Variants in LIN7A observed in about 807,000 individuals in gnomAD.
LIN7A encodes the protein protein lin-7 homolog A.
LIN7A carries 25 observed loss-of-function variants against 29.8 expected under a neutral mutation model. That is an observed-to-expected ratio of 0.84 (90% CI 0.61 to 1.17). The LOEUF is 1.17. Ranked by LOEUF, LIN7A falls within the 50% of genes most tolerant of loss-of-function variation. The pLI, the probability that LIN7A is intolerant of heterozygous loss-of-function variation, is 0.00. For synonymous variants in LIN7A, 118 were observed against 107.5 expected, an observed-to-expected ratio of 1.10 and a Z score of -0.60; for missense variants, 239 against 287.0, an observed-to-expected ratio of 0.83 and a Z score of 1.21.
chr12:80,937,759 TG>T lies in LIN7A; in HGVS notation c.-38del. 4.6e-6 allele frequency: 1 copy of T among 216,660 alleles called. No homozygotes were observed. Among genetic ancestry groups the T allele is most frequent in the Non-Finnish European group, 6.2e-6 (1 of 161,438 alleles). The allele number at this position is 216,660 out of a possible 1,614,324, so 13.4% of individuals were successfully genotyped here. ...CGTAGTGAGAAAAAAAGGAGGAGAT[TG>T]GGGGCGGGGGTGGAGAGGGAAGACG... is the stretch of plus-strand genomic sequence containing the variant. On this transcript the variant is annotated 5_prime_UTR_variant, in exon 1 of 6. Coordinates refer to ENST00000552864, the MANE Select transcript of LIN7A (RefSeq NM_004664.4).
In LIN7A at chr12:80,796,894, GT is replaced by G. The variant is rs370890214; in HGVS notation, c.*832del. ...GTTCACAGGGCTAGGTCCTTTGCTA[GT>G]ATTCTCTTACTAGATTCTTAATACT... On this transcript the variant is annotated 3_prime_UTR_variant, in exon 6 of 6. Coordinates refer to ENST00000552864, the MANE Select transcript of LIN7A (RefSeq NM_004664.4). 23 of 152,126 alleles carry G rather than the reference GT, an allele frequency of 1.5e-4. No homozygotes were observed. Among genetic ancestry groups the G allele is most frequent in the African/African-American group, 5.1e-4 (21 of 41,510 alleles). 9.4% of individuals were successfully genotyped at this position (152,126 alleles called of 1,614,324 possible). A position where few individuals can be genotyped will look rare whatever the true frequency, so the allele number is the denominator to read the frequency against.
chr12:80,821,650 G>T (rs1409181219), intron 4 of LIN7A, among the ~76,000 whole-genome samples: 1 of 152,212 alleles, frequency 6.6e-6, no homozygotes, highest in African/African-American at 2.4e-5. Context: ...CAGTGGGGGA[G>T]GTGCTGCAGG....
rs1565885890 is a variant in LIN7A, at chr12:80,811,417, G to GTGTGTA, written c.*47_*48insTACACA. 1.4e-5 allele frequency: 9 copies of GTGTGTA among 658,438 alleles called. 1 individual carries two copies. Among genetic ancestry groups the GTGTGTA allele is most frequent in the Admixed American group, 1.0e-4 (4 of 39,740 alleles). The allele number at this position is 658,438 out of a possible 1,614,324, so 40.8% of individuals were successfully genotyped here. On this transcript the variant is annotated intron_variant, in intron 5 of 5. Transcript: ENST00000552864. ...TATTCATATATACATATATGTGTGT[G>GTGTGTA]TGTATATATATATATATACTCCTTG...
chr12:80,844,612 G>T (rs1259279729), intron 4 of LIN7A, among the ~76,000 whole-genome samples: 1 of 151,948 alleles, frequency 6.6e-6, no homozygotes. Flanking sequence ...TTAATCGAAA[G>T]GTAACATTGA....
chr12:80,904,891 G>A (rs77945767), intron 1 of LIN7A, among the ~76,000 whole-genome samples: 8,233 of 152,122 alleles, frequency 0.054, 254 homozygotes, highest in Admixed American at 0.096. Context: ...CAAAGCTTGT[G>A]TACATGAGAT....
intron 1 of LIN7A, among the ~76,000 whole-genome samples, chr12:80,901,765 G>T (rs1876224731): frequency 6.6e-6 from 1 of 152,052 alleles, no homozygotes; most frequent in East Asian, 1.9e-4. Context: ...CTGACACTTT[G>T]ATATATAATT....
chr12:80,890,671 A>G (rs1875574024), intron 1 of LIN7A, among the ~76,000 whole-genome samples: 1 of 152,164 alleles, frequency 6.6e-6, no homozygotes, highest in Non-Finnish European at 1.5e-5. Context: ...AGTAGCACAA[A>G]TCATTAAATC....
intron 1 of LIN7A, among the ~76,000 whole-genome samples, chr12:80,894,804 T>C (rs923435291): frequency 6.6e-6 from 1 of 152,200 alleles, no homozygotes; most frequent in African/African-American, 2.4e-5. Context: ...AGCTTACTTG[T>C]CTTACTTAGA....
At chr12:80,810,685 G>A (rs897830806) in intron 5 of LIN7A, among the ~76,000 whole-genome samples, 3 of 152,194 alleles carry the variant, frequency 2.0e-5, no homozygotes, top group Non-Finnish European at 4.4e-5. Flanking sequence ...CAAATTGGCT[G>A]TAGCAATTTA....
chr12:80,816,936 T>C (rs1871564907), intron 4 of LIN7A, among the ~76,000 whole-genome samples: 1 of 152,144 alleles, frequency 6.6e-6, no homozygotes, highest in Non-Finnish European at 1.5e-5. Flanking sequence ...GCCCAGCTAC[T>C]TTTTGTATTT....
At chr12:80,850,455 T>C (rs1273109712) in intron 2 of LIN7A, among the ~76,000 whole-genome samples, 1 of 152,142 alleles carries the variant, frequency 6.6e-6, no homozygotes, top group Non-Finnish European at 1.5e-5. Context: ...TTGGGGAAAA[T>C]CTCCTAAGAT....
chr12:80,932,106 C>CGTTT (rs1395951730), intron 1 of LIN7A, among the ~76,000 whole-genome samples: 3 of 152,138 alleles, frequency 2.0e-5, no homozygotes, highest in Admixed American at 1.3e-4. Context: ...GATTAGAAAA[C>CGTTT]CTATAGGCTT....
At chr12:80,809,935 T>G (rs996294775) in intron 5 of LIN7A, among the ~76,000 whole-genome samples, 5 of 152,244 alleles carry the variant, frequency 3.3e-5, no homozygotes, top group Non-Finnish European at 7.3e-5. Context: ...ATGCGATATT[T>G]CAATGCATGT....
At chr12:80,922,986 A>G (rs908031769) in intron 1 of LIN7A, among the ~76,000 whole-genome samples, 1 of 152,152 alleles carries the variant, frequency 6.6e-6, no homozygotes, top group East Asian at 1.9e-4. Context: ...GCACTACTGT[A>G]GTTGGTAAAT....
intron 4 of LIN7A, among the ~76,000 whole-genome samples, chr12:80,835,057 GC>G (rs1872544478): frequency 6.6e-6 from 1 of 152,116 alleles, no homozygotes; most frequent in African/African-American, 2.4e-5. Flanking sequence ...TATAAATGAT[GC>G]TTTTTTGGAC....
At chr12:80,831,570 C>T (rs1338284026) in intron 4 of LIN7A, among the ~76,000 whole-genome samples, 1 of 152,124 alleles carries the variant, frequency 6.6e-6, no homozygotes, top group Non-Finnish European at 1.5e-5. Context: ...AGTGATTGGG[C>T]TTCTTTGTGA....
At chr12:80,913,971 C>T (rs1401766732) in intron 1 of LIN7A, among the ~76,000 whole-genome samples, 2 of 152,158 alleles carry the variant, frequency 1.3e-5, no homozygotes, top group Non-Finnish European at 2.9e-5. Flanking sequence ...CCAATTTATC[C>T]TTGGTTGTTT....
chr12:80,800,885 T>C (rs1428014465), intron 5 of LIN7A, among the ~76,000 whole-genome samples: 1 of 152,084 alleles, frequency 6.6e-6, no homozygotes, highest in Non-Finnish European at 1.5e-5. Context: ...TCCAACAAGA[T>C]TTAAAAATGT....
chr12:80,910,418 AG>A (rs1876695820), intron 1 of LIN7A, among the ~76,000 whole-genome samples: 2 of 152,166 alleles, frequency 1.3e-5, no homozygotes, highest in Non-Finnish European at 2.9e-5. Context: ...TAAAATGCTA[AG>A]TAGAAGTGAT....
Sources: allele counts gnomAD v4.1 joint callset (sites outside exome capture counted in the v4.1 genomes callset), GRCh38; gene constraint gnomAD v4.1.1; transcripts MANE v1.5; gene names NCBI Gene and HGNC (gene_info 2026-07-23, HGNC 2026-07-21).